KCNQ1: variants seen among roughly 807,000 people sequenced by gnomAD.
KCNQ1 encodes the protein potassium voltage-gated channel subfamily Q member 1.
KCNQ1 carries 49 observed loss-of-function variants against 72.4 expected under a neutral mutation model. The ratio of observed to expected loss-of-function variants is 0.68; its 90% CI spans 0.54 to 0.86. The LOEUF is 0.86. Among genes scored for constraint, KCNQ1 ranks in the 40% least tolerant of loss-of-function variants. The pLI is 0.00. For missense variants in KCNQ1, 790 were observed against 945.1 expected (o/e 0.84, Z 2.15); for synonymous variants, 450 against 412.6 (o/e 1.09, Z -1.10).
intron 15 of KCNQ1, among the ~76,000 whole-genome samples, chr11:2,841,870 A>G (rs1564913631): frequency 1.3e-5 from 2 of 152,250 alleles, no homozygotes; most frequent in African/African-American, 4.8e-5. Flanking sequence ...TTCTTTCACC[A>G]TCTTGGGCCT....
At chr11:2,799,002 T>C (rs1014540823) in intron 15 of KCNQ1, among the ~76,000 whole-genome samples, 1 of 152,168 alleles carries the variant, frequency 6.6e-6, no homozygotes, top group Non-Finnish European at 1.5e-5. Context: ...TAGACAAGAA[T>C]GCAGGTGGTC....
At position 2,471,078 on chromosome 11, in the gene KCNQ1, C is replaced by G. The variant is rs553683517; in HGVS notation, c.386+25594C>G. On this transcript the variant is annotated intron_variant, in intron 1 of 15. Transcript: ENST00000155840. The surrounding 1 kb of genome is among the most constrained non-coding windows in gnomAD (Gnocchi z 4.8). ...CAGCACATTTGCTGGGATGGCCCTC[C>G]TCCCTCCACAGCAGAGTTCTACCCG... is the stretch of plus-strand genomic sequence containing the variant. Among the ~76,000 whole-genome samples the G allele has an allele frequency of 7.7e-4, 117 of 152,188 alleles. 3 individuals are homozygous for G. In the South Asian group the frequency reaches 0.024, roughly 31 times the overall value.
At chr11:2,465,851 G>C (rs1846344326) in intron 1 of KCNQ1, among the ~76,000 whole-genome samples, 1 of 152,208 alleles carries the variant, frequency 6.6e-6, no homozygotes, top group South Asian at 2.1e-4. Context: ...ATGCCTCCTG[G>C]AAGGCCATTT....
chr11:2,576,001 C>T (rs539759486), intron 6 of KCNQ1, among the ~76,000 whole-genome samples: 1 of 152,386 alleles, frequency 6.6e-6, no homozygotes, highest in East Asian at 1.9e-4. Context: ...GCGGCCGCCT[C>T]TTTCCTCTGT....
chr11:2,743,982 C>T (rs544686426), intron 11 of KCNQ1, among the ~76,000 whole-genome samples: 4 of 152,308 alleles, frequency 2.6e-5, no homozygotes, highest in South Asian at 4.1e-4. Flanking sequence ...TGGCCTGATC[C>T]GGGGCCTCTT....
chr11:2,841,581 C>T (rs987622264), intron 15 of KCNQ1, among the ~76,000 whole-genome samples: 2 of 152,302 alleles, frequency 1.3e-5, no homozygotes, highest in South Asian at 2.1e-4. Flanking sequence ...GGATTCGGGC[C>T]GGCTTGGGAG....
chr11:2,702,390 G>C (rs756422456), intron 11 of KCNQ1, among the ~76,000 whole-genome samples: 3 of 152,154 alleles, frequency 2.0e-5, no homozygotes, highest in Non-Finnish European at 2.9e-5. Flanking sequence ...CAAGGATGTC[G>C]AACACAGGCT....
At position 2,817,859 on chromosome 11, in the gene KCNQ1, G is replaced by A. The variant is rs1026388567; in HGVS notation, c.1795-29908G>A. Among the ~76,000 whole-genome samples, 1 of 151,902 alleles carries A rather than the reference G, an allele frequency of 6.6e-6. No individual in the cohort carries two copies. Among genetic ancestry groups the A allele is most frequent in the Non-Finnish European group, 1.5e-5 (1 of 67,982 alleles). On this transcript the variant is annotated intron_variant, in intron 15 of 15. Coordinates refer to ENST00000155840, the MANE Select transcript of KCNQ1 (RefSeq NM_000218.3). The surrounding 1 kb of genome is among the most constrained non-coding windows in gnomAD (Gnocchi z 6.1). ...GTCACATGTATGTTAGAAACCTCTGGCACTCTCCCCTCCCCAGCCAGCACC... is the reference window on the plus strand; with the variant it reads ...GTCACATGTATGTTAGAAACCTCTGACACTCTCCCCTCCCCAGCCAGCACC...
intron 15 of KCNQ1, among the ~76,000 whole-genome samples, chr11:2,839,112 C>T (rs192343388): frequency 2.3e-4 from 35 of 152,296 alleles, no homozygotes; most frequent in Admixed American, 2.2e-3. Context: ...TGAGGCCGGG[C>T]TAGGGATAGG....
intron 11 of KCNQ1, among the ~76,000 whole-genome samples, chr11:2,721,376 C>T (rs995048751): frequency 2.0e-5 from 3 of 152,316 alleles, no homozygotes; most frequent in East Asian, 3.9e-4. Context: ...TCCCGCTGGG[C>T]GCTTTGTAGC....
chr11:2,799,249 G>C (rs901816954), intron 15 of KCNQ1, among the ~76,000 whole-genome samples: 1 of 152,252 alleles, frequency 6.6e-6, no homozygotes, highest in Non-Finnish European at 1.5e-5. Flanking sequence ...GGGGGCGGTG[G>C]TGCTCAGATT....
At position 2,588,278 on chromosome 11, in the gene KCNQ1, C is replaced by T. The variant is rs987244641; in HGVS notation, c.1252-435C>T. ...TCCCAGTTTCCAGCTGCCGGTGGAG[C>T]CTCCGTGCCTACTGTTCCCTGTGCT... On this transcript the variant is annotated intron_variant, in intron 9 of 15. Transcript: ENST00000155840. The surrounding 1 kb of genome is among the most constrained non-coding windows in gnomAD (Gnocchi z 5.6). Among the ~76,000 whole-genome samples the T allele has an allele frequency of 8.5e-5, 13 of 152,172 alleles. No homozygotes were observed. The highest frequency in any genetic ancestry group is 6.8e-3 in the Middle Eastern group (2 of 294).
At chr11:2,738,371 GC>G (rs1465968370) in intron 11 of KCNQ1, among the ~76,000 whole-genome samples, 1 of 152,164 alleles carries the variant, frequency 6.6e-6, no homozygotes, top group Non-Finnish European at 1.5e-5. Context: ...TTTGTACCAA[GC>G]AAGGAAAGAG....
In KCNQ1 at chr11:2,734,828, T is replaced by C. The variant is rs1219117945; in HGVS notation, c.1515-34016T>C. ...CCTCCAGCCTCAGTTTCCCCCACTG[T>C]GAAATAGGGATGACCTCCTGTGCTG... On this transcript the variant is annotated intron_variant, in intron 11 of 15. Coordinates refer to ENST00000155840, the MANE Select transcript of KCNQ1 (RefSeq NM_000218.3). This position sits in a 1 kb window ranked among gnomAD's most constrained non-coding sequence, Gnocchi z 7.0. 6.6e-6 allele frequency among the ~76,000 whole-genome samples: 1 copy of C among 151,710 alleles called. No homozygotes were observed. Among genetic ancestry groups the C allele is most frequent in the Non-Finnish European group, 1.5e-5 (1 of 67,870 alleles).
chr11:2,696,916 T>C (rs1850686437), intron 11 of KCNQ1: 2 of 398,592 alleles, frequency 5.0e-6, no homozygotes, highest in Admixed American at 8.8e-5. Flanking sequence ...ACTGATCTTA[T>C]ATCCAAAACC....
At position 2,711,716 on chromosome 11, in the gene KCNQ1, C is replaced by T. The variant is rs1256177624; in HGVS notation, c.1514+49635C>T. Among the ~76,000 whole-genome samples, 1 of 152,202 alleles carries T rather than the reference C, an allele frequency of 6.6e-6. No homozygotes were observed. The highest frequency in any genetic ancestry group is 1.5e-5 in the Non-Finnish European group (1 of 68,038). The stretch of plus-strand genomic sequence containing the variant: ...TTAAACTAAGTGAGGTATCTTAAGG[C>T]TTTACCACCAGGGAAATAGAACTTT... On this transcript the variant is annotated intron_variant, in intron 11 of 15. Transcript: ENST00000155840. The surrounding 1 kb of genome is among the most constrained non-coding windows in gnomAD (Gnocchi z 5.4).
At chr11:2,456,646 G>A (rs920600060) in intron 1 of KCNQ1, among the ~76,000 whole-genome samples, 4 of 151,460 alleles carry the variant, frequency 2.6e-5, no homozygotes, top group African/African-American at 7.3e-5. Flanking sequence ...AAAGGGCCGG[G>A]CGCGGTGGCT....
chr11:2,700,632 C>G (rs533093490), intron 11 of KCNQ1, among the ~76,000 whole-genome samples: 4 of 152,254 alleles, frequency 2.6e-5, no homozygotes, highest in African/African-American at 9.6e-5. Context: ...ACACCCGTGT[C>G]TGCCGCTCAC....
chr11:2,827,524 G>A lies in KCNQ1; in HGVS notation c.1795-20243G>A, dbSNP rs1001315757. 4.6e-5 allele frequency among the ~76,000 whole-genome samples: 7 copies of A among 151,916 alleles called. No homozygotes were observed. The highest frequency in any genetic ancestry group is 2.0e-4 in the Admixed American group (3 of 15,264). ...TCATCCCCCTTTCTGTCCACCCGCC[G>A]GAATGTGACGCACGCCTGAGTCGCT... On this transcript the variant is annotated intron_variant, in intron 15 of 15. Transcript: ENST00000155840. This position sits in a 1 kb window ranked among gnomAD's most constrained non-coding sequence, Gnocchi z 6.7.
Sources: allele counts gnomAD v4.1 joint callset (sites outside exome capture counted in the v4.1 genomes callset), GRCh38; gene constraint gnomAD v4.1.1; non-coding constraint Gnocchi (gnomAD v3.1); transcripts MANE v1.5; gene names NCBI Gene and HGNC (gene_info 2026-07-23, HGNC 2026-07-21).